Variants in DDB1 observed in about 807,000 individuals in gnomAD.
DDB1 encodes damage specific DNA binding protein 1, also known as DNA damage-binding protein 1.
DDB1 carries 18 observed loss-of-function variants against 133.1 expected under a neutral mutation model. That is an observed-to-expected ratio of 0.14 (90% CI 0.09 to 0.20). The LOEUF (loss-of-function observed/expected upper bound fraction) is 0.20, where lower values mean the gene tolerates loss of function less well. DDB1 is among the 10% of genes least tolerant of loss of function. The probability of loss-of-function intolerance (pLI) is 1.00; values close to 1 mark genes in which losing one functional copy is unlikely to be tolerated. For missense variants in DDB1, 828 were observed against 1,459.2 expected (o/e 0.57, Z 7.05); for synonymous variants, 580 against 550.5 (o/e 1.05, Z -0.75).
intron 21 of DDB1, 98 bp downstream of exon 21, chr11:61,308,885 G>C: frequency 2.5e-6 from 3 of 1,186,412 alleles, no homozygotes; most frequent in Non-Finnish European, 3.8e-6. Context: ...TTCTCCTTCA[G>C]ATCTGACACA....
chr11:61,323,105 G>C lies in DDB1; in HGVS notation c.922-11C>G, dbSNP rs759053643. On this transcript the variant is annotated splice_polypyrimidine_tract_variant and intron_variant, in intron 7 of 26. Transcript: ENST00000301764. ...CTCAGCAATAGAGGTCTGGAAGAAA[G>C]TCAGCAACGTGAAAGAAATGAGAAT... 8.7e-6 allele frequency: 14 copies of C among 1,612,146 alleles called. No homozygotes were observed. Among genetic ancestry groups the C allele is most frequent in the Non-Finnish European group, 1.2e-5 (14 of 1,178,848 alleles).
chr11:61,323,191 A>G (rs1856213430), intron 7 of DDB1, 97 bp from the exon 8 acceptor site: 1 of 917,562 alleles, frequency 1.1e-6, no homozygotes, highest in Non-Finnish European at 1.8e-6. Context: ...AAAACTCCCA[A>G]CTGCAGCCAT....
At chr11:61,316,256 G>GT in intron 12 of DDB1, 29 bp downstream of exon 12, 6 of 1,598,784 alleles carry the variant, frequency 3.8e-6, no homozygotes, top group Non-Finnish European at 5.1e-6. Context: ...CAAGTATATG[G>GT]TAACACCTGC....
At position 61,302,614 on chromosome 11, in the gene DDB1, G is replaced by A. The variant is rs535718507; in HGVS notation, c.3080C>T (p.Ser1027Leu). Residue 1027 changes from serine to leucine, a missense_variant, in exon 24 of 27, where the codon TCG becomes TTG. Physicochemically the swap from Ser to Leu is moderately radical, Grantham distance 145. Transcript: ENST00000301764. Reference protein sequence around the residue: ...LGETSTPTQGSVLFGTVNGMI... With the variant: ...LGETSTPTQGLVLFGTVNGMI... ...GCCGTTGACCGTGCCGAAGAGCACC[G>A]AGCCTTGTGTGGGGGTGGAAGTCTC... 12 of 1,614,198 alleles carry A rather than the reference G, an allele frequency of 7.4e-6. No individual in the cohort carries two copies. Among genetic ancestry groups the A allele is most frequent in the Admixed American group, 1.7e-5 (1 of 60,026 alleles).
At chr11:61,331,838 G>T in intron 1 of DDB1, 147 bp from the exon 2 acceptor site, 2 of 1,061,284 alleles carry the variant, frequency 1.9e-6, no homozygotes, top group Non-Finnish European at 1.3e-6. Flanking sequence ...TCCCCTTCTT[G>T]CCAAATCCGG....
chr11:61,325,550 G>A (rs1176956131), intron 6 of DDB1, 61 bp downstream of exon 6: 3 of 1,373,160 alleles, frequency 2.2e-6, no homozygotes, highest in East Asian at 2.3e-5. Flanking sequence ...GAGAAAGGGA[G>A]GAGCAAGGTG....
Position 61,322,364 on chromosome 11 carries a change from T to C in DDB1, c.1054A>G (p.Thr352Ala). ...ACAATGGGTCCTAAGTTGGTAAAGGTTTCCATGGCCACTACATAGGAGCCT... is the reference window on the plus strand; with the variant it reads ...ACAATGGGTCCTAAGTTGGTAAAGGCTTCCATGGCCACTACATAGGAGCCT... ...EQGSYVVAMETFTNLGPIVDM... is the reference protein window; with the variant it reads ...EQGSYVVAMEAFTNLGPIVDM... The change falls in exon 9 of 27, where the codon ACC becomes GCC. Residue 352 changes from threonine (T) to alanine (A), a missense_variant. Around this residue, in one of 7 missense-constraint regions of DDB1, gnomAD observed 35 missense variants for 123.3 expected, o/e 0.28. Coordinates refer to ENST00000301764, the MANE Select transcript of DDB1 (RefSeq NM_001923.5). 6.2e-7 allele frequency: 1 copy of C among 1,614,188 alleles called. No individual in the cohort carries two copies. Among genetic ancestry groups the C allele is most frequent in the Non-Finnish European group, 8.5e-7 (1 of 1,180,034 alleles).
intron 7 of DDB1, chr11:61,323,410 T>A: frequency 3.7e-6 from 1 of 269,376 alleles, no homozygotes; most frequent in Non-Finnish European, 7.1e-6. Context: ...AGCAATAATC[T>A]TTTTTTTTTC....
chr11:61,329,023 T>C (rs1215455699), intron 4 of DDB1, among the ~76,000 whole-genome samples: 1 of 152,178 alleles, frequency 6.6e-6, no homozygotes, highest in Non-Finnish European at 1.5e-5. Flanking sequence ...AGATAATTTC[T>C]TGACAACTAA....
chr11:61,304,139 C>T, intron 21 of DDB1, 104 bp from the exon 22 acceptor site: 1 of 1,288,318 alleles, frequency 7.8e-7, no homozygotes, highest in Non-Finnish European at 1.1e-6. Flanking sequence ...TCTCAAAGTG[C>T]AATGCGGGAC....
intron 10 of DDB1, among the ~76,000 whole-genome samples, chr11:61,316,950 T>G (rs1275987854): frequency 0.026 from 135 of 5,176 alleles, 7 homozygotes; most frequent in South Asian, 0.083. Flanking sequence ...AGGATAGATA[T>G]ATATATATAT....
chr11:61,329,456 G>T lies in DDB1; in HGVS notation c.456C>A (p.Leu152=). 6.2e-7 allele frequency: 1 copy of T among 1,614,156 alleles called. No individual in the cohort carries two copies. Among genetic ancestry groups the T allele is most frequent in the African/African-American group, 1.3e-5 (1 of 75,026 alleles). Residue 152 remains leucine (L), a synonymous_variant, in exon 4 of 27, where the codon CTC becomes CTA. Transcript: ENST00000301764. ...VIPLDRDNKE[L]KAFNIRLEEL... The stretch of plus-strand genomic sequence containing the variant: ...CCTCCAGGCGGATGTTGAAGGCCTT[G>T]AGTTCTTTATTATCGCGATCTAGTG...
At chr11:61,330,783 G>A (rs749069761) in intron 2 of DDB1, among the ~76,000 whole-genome samples, 3 of 152,016 alleles carry the variant, frequency 2.0e-5, no homozygotes, top group Non-Finnish European at 2.9e-5. Flanking sequence ...AGCCTGCCAA[G>A]TAGCTGGGAT....
intron 18 of DDB1, 56 bp from the exon 19 acceptor site, chr11:61,310,474 C>G: frequency 6.5e-7 from 1 of 1,531,880 alleles, no homozygotes; most frequent in Non-Finnish European, 8.8e-7. Context: ...AGTGCTGAGA[C>G]ATCATTGTGA....
At chr11:61,310,093 T>C (rs1855939035) in intron 19 of DDB1, 133 bp from the exon 20 acceptor site, 5 of 1,400,458 alleles carry the variant, frequency 3.6e-6, no homozygotes, top group Non-Finnish European at 5.0e-6. Flanking sequence ...TCTCATCAGA[T>C]TATCCATCCC....
In DDB1 at chr11:61,312,261, AT is replaced by A. The variant is rs551569926; in HGVS notation, c.2070-178del. Among the ~76,000 whole-genome samples, 1,016 of 152,306 alleles carry A rather than the reference AT, an allele frequency of 6.7e-3. 14 individuals carry two copies. Among genetic ancestry groups the A allele is most frequent in the African/African-American group, 0.024 (982 of 41,562 alleles). ...CTGGTCCCATCCACAAGATACTCTT[AT>A]TTCATTGGTCTGGGTGAGCCTAGGC... On this transcript the variant is annotated intron_variant, in intron 16 of 26. Coordinates refer to ENST00000301764, the MANE Select transcript of DDB1 (RefSeq NM_001923.5).
chr11:61,333,083 G>T lies in DDB1; in HGVS notation c.-115C>A. 1 of 1,002,824 alleles carries T rather than the reference G, an allele frequency of 1.0e-6. No individual in the cohort carries two copies. Among genetic ancestry groups the T allele is most frequent in the Non-Finnish European group, 1.4e-6 (1 of 725,058 alleles). 62.1% of individuals were successfully genotyped at this position (1,002,824 alleles called of 1,614,324 possible). On this transcript the variant is annotated 5_prime_UTR_variant, in exon 1 of 27. Coordinates refer to ENST00000301764, the MANE Select transcript of DDB1 (RefSeq NM_001923.5). ...AGCGAACTCCACTGCCGCTGCCTCCGCCCCAGAGACACGTTGCAGGCCAGA... is the reference window on the plus strand; with the variant it reads ...AGCGAACTCCACTGCCGCTGCCTCCTCCCCAGAGACACGTTGCAGGCCAGA...
intron 2 of DDB1, 37 bp downstream of exon 2, chr11:61,331,506 T>C (rs1348990758): frequency 6.2e-7 from 1 of 1,600,154 alleles, no homozygotes. Flanking sequence ...CGACCAACAG[T>C]TCCCCCTCCA....
Position 61,310,375 on chromosome 11 carries a change from C to T in DDB1, c.2321G>A (p.Ser774Asn). The change falls in exon 19 of 27, where the codon AGC becomes AAC. Residue 774 changes from serine (S) to asparagine (N), a missense_variant. Physicochemically the swap from Ser to Asn is conservative, Grantham distance 46. This residue lies in a region of DDB1 where 396 missense variants were observed against 554.1 expected (regional missense o/e 0.71). Transcript: ENST00000301764. ...AAAGGAGGTCTCATGAGGAGCAGTG[C>T]TGCTGGAGAACAGCTTGCTGGAGCT... is the stretch of plus-strand genomic sequence containing the variant. ...SVSSSKLFSS[S>N]TAPHETSFGE... The T allele has an allele frequency of 6.2e-7, 1 of 1,613,312 alleles. No homozygotes were observed.
Sources: gnomAD v4.1 joint callset for allele counts (sites outside exome capture counted in the v4.1 genomes callset) on GRCh38, gnomAD v4.1.1 for gene constraint, gnomAD v4.1.1 regional missense constraint, MANE v1.5 for transcripts, NCBI Gene and HGNC (gene_info 2026-07-23, HGNC 2026-07-21) for gene names.